FAM193A: variants seen among roughly 807,000 people sequenced by gnomAD.
FAM193A encodes the protein protein FAM193A.
Under a neutral mutation model 126.5 loss-of-function variants are expected in FAM193A, and 22 were observed. The observed-to-expected ratio is 0.17, with a 90% CI of 0.12 to 0.25. FAM193A has a LOEUF of 0.25. Among genes scored for constraint, FAM193A ranks in the 10% least tolerant of loss-of-function variants. The pLI, the probability that FAM193A is intolerant of heterozygous loss-of-function variation, is 1.00. For synonymous variants in FAM193A, 761 were observed against 646.8 expected, an observed-to-expected ratio of 1.18 and a Z score of -2.68; for missense variants, 1,675 against 1,672.8, an observed-to-expected ratio of 1.00 and a Z score of -0.02.
intron 13 of FAM193A, among the ~76,000 whole-genome samples, chr4:2,678,383 G>C (rs1320431032): frequency 8.1e-6 from 1 of 123,496 alleles, no homozygotes; most frequent in African/African-American, 3.2e-5. Context: ...TTTTTTTTGA[G>C]ACAGAATCTC....
chr4:2,614,322 T>A (rs1192372018), intron 2 of FAM193A, among the ~76,000 whole-genome samples: 1 of 152,228 alleles, frequency 6.6e-6, no homozygotes, highest in Non-Finnish European at 1.5e-5. Flanking sequence ...CTAAGAATTA[T>A]CATTATGAAT....
chr4:2,625,855 C>G (rs146613829), intron 3 of FAM193A, among the ~76,000 whole-genome samples: 4 of 151,514 alleles, frequency 2.6e-5, no homozygotes, highest in East Asian at 2.0e-4. Context: ...GTCCCGGTAT[C>G]TGGGACTACA....
intron 13 of FAM193A, among the ~76,000 whole-genome samples, chr4:2,675,186 C>T (rs761819239): frequency 5.3e-5 from 8 of 152,014 alleles, no homozygotes; most frequent in African/African-American, 1.2e-4. Context: ...GTGAATGTTC[C>T]GTGTGAGCTT....
intron 1 of FAM193A, among the ~76,000 whole-genome samples, chr4:2,557,080 A>G (rs549572814): frequency 2.0e-5 from 3 of 152,280 alleles, no homozygotes; most frequent in East Asian, 1.9e-4. Flanking sequence ...TGTTTTTCCT[A>G]TATATAGTAC....
chr4:2,579,854 G>A (rs1383544304), intron 1 of FAM193A, among the ~76,000 whole-genome samples: 1 of 152,210 alleles, frequency 6.6e-6, no homozygotes, highest in Non-Finnish European at 1.5e-5. Context: ...TTTAACCATT[G>A]TGGAAGATGA....
intron 2 of FAM193A, among the ~76,000 whole-genome samples, chr4:2,601,227 C>CTTTTTTTT (rs1201989388): frequency 9.0e-5 from 10 of 110,678 alleles, no homozygotes; most frequent in South Asian, 3.1e-4. Context: ...TCTTCTTCTT[C>CTTTTTTTT]TTTTTTTTTT....
intron 1 of FAM193A, among the ~76,000 whole-genome samples, chr4:2,542,330 G>C (rs1457989568): frequency 6.6e-6 from 1 of 151,914 alleles, no homozygotes; most frequent in Non-Finnish European, 1.5e-5. Context: ...AGTAGAGACG[G>C]GGTTTCACCT....
intron 20 of FAM193A, among the ~76,000 whole-genome samples, chr4:2,729,488 C>T (rs1032849725): frequency 1.3e-5 from 2 of 152,142 alleles, no homozygotes; most frequent in African/African-American, 4.8e-5. Context: ...CTTCCAAGTG[C>T]ACTTTCCTTC....
At chr4:2,636,652 T>C (rs73791844) in intron 5 of FAM193A, among the ~76,000 whole-genome samples, 17,672 of 152,250 alleles carry the variant, frequency 0.12, 2,187 homozygotes, top group African/African-American at 0.31. Flanking sequence ...GATATTTGTT[T>C]ATATCAGCAC....
Position 2,727,213 on chromosome 4 carries a change from C to T in FAM193A, c.4455-4562C>T, listed in dbSNP as rs554138295. ...GGCGGAGGTTGCAATGAGCCGAGAT[C>T]GCGTCACTGCACTCCAGCCTGGCAA... On this transcript the variant is annotated intron_variant, in intron 20 of 20. Coordinates refer to ENST00000637812, the MANE Select transcript of FAM193A (RefSeq NM_001366318.2). Among the ~76,000 whole-genome samples the T allele has an allele frequency of 3.3e-5, 5 of 151,952 alleles. No homozygotes were observed. The East Asian group carries it at 5.8e-4, about 18-fold the overall frequency.
chr4:2,656,612 T>C (rs954496650), intron 7 of FAM193A, among the ~76,000 whole-genome samples: 1 of 152,184 alleles, frequency 6.6e-6, no homozygotes. Flanking sequence ...AGGCCACACC[T>C]GTGTGTGCGT....
chr4:2,549,774 C>T (rs1204904475), intron 1 of FAM193A, among the ~76,000 whole-genome samples: 1 of 151,944 alleles, frequency 6.6e-6, no homozygotes, highest in African/African-American at 2.4e-5. Flanking sequence ...GTCTCCCAGG[C>T]TGGGGTGCAG....
At chr4:2,705,359 A>C (rs953224479) in intron 19 of FAM193A, among the ~76,000 whole-genome samples, 3 of 151,980 alleles carry the variant, frequency 2.0e-5, no homozygotes, top group Admixed American at 6.6e-5. Flanking sequence ...CAGCTTCTTG[A>C]TTTTTTATTG....
chr4:2,610,480 C>T (rs1009296723), intron 2 of FAM193A, among the ~76,000 whole-genome samples: 6 of 152,196 alleles, frequency 3.9e-5, no homozygotes, highest in Non-Finnish European at 8.8e-5. Flanking sequence ...GTTGGAACTA[C>T]TCAAAATTGC....
In FAM193A at chr4:2,696,528, A is replaced by G. The variant is rs1404620056; in HGVS notation, c.3442A>G (p.Ser1148Gly). The G allele has an allele frequency of 2.3e-5, 37 of 1,614,250 alleles. No individual in the cohort carries two copies. The highest frequency in any genetic ancestry group is 3.1e-5 in the Non-Finnish European group (36 of 1,180,042). The change falls in exon 18 of 21, where the codon AGC (serine) becomes GGC (glycine). Residue 1148 changes from serine to glycine, a missense_variant. Physicochemically the swap from Ser to Gly is moderately conservative, Grantham distance 56. This residue lies in a region of FAM193A where 415 missense variants were observed against 396.7 expected (regional missense o/e 1.05). Transcript: ENST00000637812. ...GGAGGATTTGTTGCAGTTTATAAATAGCTCCGAAACCAAACCAGTGAGCAG... is the reference window on the plus strand; with the variant it reads ...GGAGGATTTGTTGCAGTTTATAAATGGCTCCGAAACCAAACCAGTGAGCAG... Reference protein sequence around the residue: ...RVEDLLQFINSSETKPVSSTR... With the variant: ...RVEDLLQFINGSETKPVSSTR...
chr4:2,646,812 G>A lies in FAM193A; in HGVS notation c.1291G>A (p.Asp431Asn), dbSNP rs745670049. The change falls in exon 7 of 21, where the codon GAC (aspartate) becomes AAC (asparagine). Residue 431 changes from aspartate to asparagine, a missense_variant. Coordinates refer to ENST00000637812, the MANE Select transcript of FAM193A (RefSeq NM_001366318.2). ...EEWLECQKRI[D>N]AYVDEQMTMK... ...GTGGCTGGAGTGCCAGAAGAGGATC[G>A]ACGCCTATGTCGACGAGCAGGTGAG... 3.2e-5 allele frequency: 52 copies of A among 1,612,892 alleles called. No homozygotes were observed. Among genetic ancestry groups the A allele is most frequent in the East Asian group, 8.9e-5 (4 of 44,842 alleles).
At chr4:2,569,986 T>C (rs1375542343) in intron 1 of FAM193A, among the ~76,000 whole-genome samples, 3 of 152,142 alleles carry the variant, frequency 2.0e-5, no homozygotes, top group Non-Finnish European at 4.4e-5. Context: ...TCAGATGCTC[T>C]TGAAGTTTGA....
intron 19 of FAM193A, among the ~76,000 whole-genome samples, chr4:2,705,840 A>T (rs1213805039): frequency 6.6e-6 from 1 of 151,852 alleles, no homozygotes; most frequent in Non-Finnish European, 1.5e-5. Flanking sequence ...CTCCTGCCTC[A>T]GCCTCCCACA....
At chr4:2,599,295 C>G (rs749722703) in intron 2 of FAM193A, among the ~76,000 whole-genome samples, 7 of 152,054 alleles carry the variant, frequency 4.6e-5, no homozygotes, top group Non-Finnish European at 8.8e-5. Flanking sequence ...AAGTGTGTCC[C>G]CTTCTCCCTG....
Sources: allele counts gnomAD v4.1 joint callset (sites outside exome capture counted in the v4.1 genomes callset), GRCh38; gene constraint gnomAD v4.1.1; regional missense constraint gnomAD v4.1.1; transcripts MANE v1.5; gene names NCBI Gene and HGNC (gene_info 2026-07-23, HGNC 2026-07-21).